DGKB: variants seen among roughly 807,000 people sequenced by gnomAD.
DGKB encodes the protein 90 kDa diacylglycerol kinase.
Under a neutral mutation model 114.3 loss-of-function variants are expected in DGKB, and 67 were observed. That is an observed-to-expected ratio of 0.59 (90% CI 0.48 to 0.72). The LOEUF is 0.72. Ranked by LOEUF, DGKB falls within the 30% of genes least tolerant of loss-of-function variation. The probability of loss-of-function intolerance (pLI) is 0.00; values close to 1 mark genes in which losing one functional copy is unlikely to be tolerated. For synonymous variants in DGKB, 398 were observed against 323.1 expected (o/e 1.23, Z -2.49); for missense variants, 907 against 975.2 (o/e 0.93, Z 0.93).
chr7:14,360,694 A>G (rs980365882), intron 21 of DGKB, among the ~76,000 whole-genome samples: 13 of 152,018 alleles, frequency 8.6e-5, no homozygotes, highest in African/African-American at 1.2e-4. Context: ...AAACTAGATA[A>G]CCCTGTTTAA....
intron 23 of DGKB, among the ~76,000 whole-genome samples, chr7:14,222,306 T>C (rs1165631615): frequency 4.0e-5 from 6 of 151,200 alleles, no homozygotes; most frequent in Admixed American, 2.0e-4. Flanking sequence ...CAAATTTCTC[T>C]CTAAACACTG....
intron 4 of DGKB, among the ~76,000 whole-genome samples, chr7:14,741,879 C>T (rs759074974): frequency 3.3e-5 from 5 of 152,106 alleles, no homozygotes; most frequent in Admixed American, 3.3e-4. Flanking sequence ...AAAGAACGCT[C>T]AAGTTAATTA....
chr7:14,850,466 G>A (rs1315847890), intron 1 of DGKB, among the ~76,000 whole-genome samples: 1 of 152,158 alleles, frequency 6.6e-6, no homozygotes, highest in Non-Finnish European at 1.5e-5. Context: ...AGAAAAGAGG[G>A]AGAGATAAGT....
intron 25 of DGKB, among the ~76,000 whole-genome samples, chr7:14,166,153 T>C (rs1340621601): frequency 6.6e-6 from 1 of 152,262 alleles, no homozygotes; most frequent in Non-Finnish European, 1.5e-5. Flanking sequence ...GCCTACAATG[T>C]AATTTAAAAA....
intron 22 of DGKB, 102 bp from the exon 23 acceptor site, chr7:14,338,812 C>T (rs1811126766): frequency 2.8e-6 from 2 of 702,140 alleles, no homozygotes; most frequent in Non-Finnish European, 2.1e-6. Flanking sequence ...CGTTGAAATC[C>T]ATAATGTTGT....
intron 2 of DGKB, among the ~76,000 whole-genome samples, chr7:14,783,467 C>A (rs1839418976): frequency 6.6e-6 from 1 of 152,214 alleles, no homozygotes; most frequent in African/African-American, 2.4e-5. Flanking sequence ...CTTCCCACTG[C>A]AACTTGCCCT....
chr7:14,652,509 T>TTAAA (rs1814774949), intron 13 of DGKB, among the ~76,000 whole-genome samples: 1 of 151,982 alleles, frequency 6.6e-6, no homozygotes, highest in East Asian at 1.9e-4. Flanking sequence ...TCAAGATGGA[T>TTAAA]TAAAGACTTA....
chr7:14,356,777 C>T (rs1477203641), intron 21 of DGKB, among the ~76,000 whole-genome samples: 1 of 152,088 alleles, frequency 6.6e-6, no homozygotes, highest in African/African-American at 2.4e-5. Context: ...TAAATGTGTC[C>T]CAGAGATTCT....
intron 1 of DGKB, among the ~76,000 whole-genome samples, chr7:14,941,473 G>A (rs1375322001): frequency 6.6e-6 from 1 of 152,018 alleles, no homozygotes; most frequent in Non-Finnish European, 1.5e-5. Flanking sequence ...TGAGGTCCAT[G>A]GACTTTCAGC....
intron 23 of DGKB, among the ~76,000 whole-genome samples, chr7:14,308,144 AT>A (rs1238566736): frequency 6.6e-6 from 1 of 152,126 alleles, no homozygotes; most frequent in Non-Finnish European, 1.5e-5. Context: ...AAAGAAAATC[AT>A]AAAGATAACC....
chr7:14,347,362 C>T (rs965201297), intron 21 of DGKB, among the ~76,000 whole-genome samples: 4 of 151,840 alleles, frequency 2.6e-5, no homozygotes, highest in Admixed American at 2.0e-4. Flanking sequence ...TTTGTACAGC[C>T]GTTATGGAAA....
At chr7:14,695,433 C>T (rs1391843126) in intron 8 of DGKB, among the ~76,000 whole-genome samples, 4 of 150,634 alleles carry the variant, frequency 2.7e-5, no homozygotes, top group Non-Finnish European at 5.9e-5. Flanking sequence ...TCTAGGGACG[C>T]TCCAGTCTTC....
intron 1 of DGKB, among the ~76,000 whole-genome samples, chr7:14,894,575 A>C (rs1781812264): frequency 6.6e-6 from 1 of 151,582 alleles, no homozygotes; most frequent in East Asian, 1.9e-4. Flanking sequence ...AAAGAATAGC[A>C]ATATAATTAC....
intron 12 of DGKB, among the ~76,000 whole-genome samples, chr7:14,679,186 GA>G (rs35209582): frequency 0.59 from 89,794 of 151,368 alleles, 27,587 homozygotes; most frequent in East Asian, 0.92. Flanking sequence ...GTGCCCTCTG[GA>G]AAACCAGGGA....
chr7:14,187,138 A>G (rs571393086), intron 23 of DGKB, among the ~76,000 whole-genome samples: 20 of 152,370 alleles, frequency 1.3e-4, no homozygotes, highest in Admixed American at 9.8e-4. Context: ...AATCATTTCA[A>G]ATGTAATCAC....
chr7:14,334,678 G>T (rs781304708), intron 23 of DGKB, among the ~76,000 whole-genome samples: 1 of 151,788 alleles, frequency 6.6e-6, no homozygotes, highest in Non-Finnish European at 1.5e-5. Flanking sequence ...TTAGCTGAAG[G>T]TCTTTATATC....
In DGKB at chr7:14,800,277, C is replaced by T. The variant is rs138074733; in HGVS notation, c.70+40917G>A. ...TAGGCCCCAGTGTGATGGTTACTAC[C>T]GAGTGTCAACTTGATTGGATTGAAG... On this transcript the variant is annotated intron_variant, in intron 2 of 25. Transcript: ENST00000402815. Among the ~76,000 whole-genome samples the T allele has an allele frequency of 2.9e-3, 440 of 152,286 alleles. 1 individual carries two copies. The highest frequency in any genetic ancestry group is 9.6e-3 in the African/African-American group (398 of 41,540).
At chr7:14,667,503 T>A (rs1325444804) in intron 13 of DGKB, among the ~76,000 whole-genome samples, 1 of 152,066 alleles carries the variant, frequency 6.6e-6, no homozygotes, top group Non-Finnish European at 1.5e-5. Context: ...AGTCTGAACC[T>A]CATCTGCTCC....
At chr7:14,966,080 G>T (rs1422797580) in intron 1 of DGKB, among the ~76,000 whole-genome samples, 1 of 151,878 alleles carries the variant, frequency 6.6e-6, no homozygotes, top group South Asian at 2.1e-4. Context: ...AAAATCTTCT[G>T]TTTAATGGTT....
Sources: allele counts gnomAD v4.1 joint callset (sites outside exome capture counted in the v4.1 genomes callset), GRCh38; gene constraint gnomAD v4.1.1; transcripts MANE v1.5; gene names NCBI Gene and HGNC (gene_info 2026-07-23, HGNC 2026-07-21).